Variants in MYLIP observed in about 807,000 individuals in gnomAD.
MYLIP encodes myosin regulatory light chain interacting protein, also known as E3 ubiquitin-protein ligase MYLIP.
A neutral mutation model predicts 45.8 loss-of-function variants in MYLIP; 26 were observed. The observed-to-expected ratio is 0.57, with a 90% confidence interval of 0.42 to 0.79. The LOEUF (loss-of-function observed/expected upper bound fraction) is 0.79, where lower values mean the gene tolerates loss of function less well. MYLIP is among the 30% of genes least tolerant of loss of function. MYLIP has a pLI of 0.00. For synonymous variants in MYLIP, 213 were observed against 218.1 expected (o/e 0.98, Z 0.21); for missense variants, 494 against 555.6 (o/e 0.89, Z 1.11).
intron 2 of MYLIP, among the ~76,000 whole-genome samples, 167 bp downstream of exon 2, chr6:16,130,914 C>T (rs970574660): frequency 2.0e-5 from 3 of 151,808 alleles, no homozygotes; most frequent in Non-Finnish European, 1.5e-5. Flanking sequence ...GGGGGAGCTA[C>T]CTACTTGGTC....
rs993659242 is a variant in MYLIP, at chr6:16,146,862, G to T, written c.*111G>T. Reference sequence around the variant, plus strand: ...TTATTCCAACACCCATCTGCCATGCGATGTTAAAAAAAAAAAAAAGGAAGA... The same window carrying T: ...TTATTCCAACACCCATCTGCCATGCTATGTTAAAAAAAAAAAAAAGGAAGA... On this transcript the variant is annotated 3_prime_UTR_variant, in exon 7 of 7. Transcript: ENST00000356840. The T allele has an allele frequency of 6.1e-6, 5 of 815,650 alleles. No individual in the cohort carries two copies. Among genetic ancestry groups the T allele is most frequent in the Non-Finnish European group, 7.1e-6 (4 of 567,292 alleles). The allele number at this position is 815,650 out of a possible 1,614,324, so 50.5% of individuals were successfully genotyped here.
At chr6:16,159,678 T>C in the MYLIP span, among the ~76,000 whole-genome samples, 1 of 152,178 alleles carries the variant, frequency 6.6e-6, no homozygotes, top group African/African-American at 2.4e-5. Flanking sequence ...CAGTCCTGCC[T>C]GGAATAAGGC....
the MYLIP span, among the ~76,000 whole-genome samples, chr6:16,156,266 G>T: frequency 6.6e-6 from 1 of 152,210 alleles, no homozygotes; most frequent in Non-Finnish European, 1.5e-5. Context: ...TGAGCCACAG[G>T]ATTGGGCTTT....
intron 1 of MYLIP, 105 bp from the exon 2 acceptor site, chr6:16,130,452 A>G: frequency 8.5e-7 from 1 of 1,171,430 alleles, no homozygotes; most frequent in Non-Finnish European, 1.2e-6. Context: ...TTGTAACACC[A>G]TTGAACTTTG....
Position 16,145,104 on chromosome 6 carries a change from C to G in MYLIP, c.1035C>G (p.Ser345Arg). 6.2e-7 allele frequency: 1 copy of G among 1,614,252 alleles called. No individual in the cohort carries two copies. Among genetic ancestry groups the G allele is most frequent in the Non-Finnish European group, 8.5e-7 (1 of 1,180,042 alleles). Residue 345 changes from serine to arginine, a missense_variant, in exon 6 of 7, where the codon AGC becomes AGG. Ser to Arg is a moderately radical substitution (Grantham distance 110). Transcript: ENST00000356840. Reference protein sequence around the residue: ...VVDLVSRNNQSPSHSPLKSSE... With the variant: ...VVDLVSRNNQRPSHSPLKSSE... ...ACCTCGTTTCAAGAAACAACCAGAG[C>G]CCTTCACACTCGCCTCTGAAGTCCT... is the stretch of plus-strand genomic sequence containing the variant.
chr6:16,146,549 A>T, intron 6 of MYLIP, 113 bp from the exon 7 acceptor site: 1 of 777,544 alleles, frequency 1.3e-6, no homozygotes, highest in Non-Finnish European at 2.1e-6. Context: ...AATCACTGTG[A>T]TCACAATTGA....
the MYLIP span, among the ~76,000 whole-genome samples, chr6:16,163,173 G>A: frequency 6.6e-6 from 1 of 152,138 alleles, no homozygotes; most frequent in Non-Finnish European, 1.5e-5. Flanking sequence ...TGCCATGGGA[G>A]GTAATACACT....
At chr6:16,145,898 C>A (rs1759780498) in intron 6 of MYLIP, among the ~76,000 whole-genome samples, 1 of 152,172 alleles carries the variant, frequency 6.6e-6, no homozygotes, top group Non-Finnish European at 1.5e-5. Context: ...TCCTTTCTTG[C>A]ATGAAGAAGA....
intron 2 of MYLIP, among the ~76,000 whole-genome samples, chr6:16,137,639 A>G (rs555660223): frequency 5.6e-4 from 85 of 152,268 alleles, no homozygotes; most frequent in African/African-American, 1.9e-3. Flanking sequence ...ACAACTTCCA[A>G]TTGGTTTGCA....
chr6:16,161,172 G>T, the MYLIP span: 1 of 192,708 alleles, frequency 5.2e-6, no homozygotes, highest in South Asian at 9.8e-5. Context: ...GATCCCAAGC[G>T]CTTGTCTTCG....
At chr6:16,153,003 C>G (rs983098390), downstream of MYLIP, among the ~76,000 whole-genome samples, 7 of 152,222 alleles carry the variant, frequency 4.6e-5, no homozygotes, top group African/African-American at 1.7e-4. Context: ...CTGGTAACCC[C>G]TACTCCCAGC....
At position 16,129,530 on chromosome 6, in the gene MYLIP, G is replaced by C. The variant is rs918968803; in HGVS notation, c.87+121G>C. 1 of 949,184 alleles carries C rather than the reference G, an allele frequency of 1.1e-6. No homozygotes were observed. The highest frequency in any genetic ancestry group is 1.5e-6 in the Non-Finnish European group (1 of 656,476). The allele number at this position is 949,184 out of a possible 1,614,324, so 58.8% of individuals were successfully genotyped here. On this transcript the variant is annotated intron_variant, in intron 1 of 6. Coordinates refer to ENST00000356840, the MANE Select transcript of MYLIP (RefSeq NM_013262.4). This position sits in a 1 kb window ranked among gnomAD's most constrained non-coding sequence, Gnocchi z 5.1. The stretch of plus-strand genomic sequence containing the variant: ...GCCGGGAGGCACTGCGGCGGCAGCC[G>C]GGGGGAGCGCGTCCCCTCCTCTCCA...
chr6:16,144,099 C>G (rs777101385), intron 5 of MYLIP, among the ~76,000 whole-genome samples: 1 of 152,086 alleles, frequency 6.6e-6, no homozygotes, highest in Non-Finnish European at 1.5e-5. Flanking sequence ...TTACCTCCTA[C>G]CGTATTCTCT....
chr6:16,153,416 A>G, the MYLIP span, among the ~76,000 whole-genome samples: 1 of 152,168 alleles, frequency 6.6e-6, no homozygotes, highest in East Asian at 1.9e-4. Flanking sequence ...TCTAAATCCT[A>G]GGAGGATTTT....
chr6:16,130,547 T>C lies in MYLIP; in HGVS notation c.88-10T>C, dbSNP rs768529579. 6.2e-7 allele frequency: 1 copy of C among 1,612,824 alleles called. No individual in the cohort carries two copies. The highest frequency in any genetic ancestry group is 1.3e-5 in the African/African-American group (1 of 74,854). ...TTTGCTCATCCAGGCTGCATTCCTT[T>C]TTGTTTTAGGTGTGCAGGCGACTGG... On this transcript the variant is annotated splice_polypyrimidine_tract_variant and intron_variant, in intron 1 of 6. Coordinates refer to ENST00000356840, the MANE Select transcript of MYLIP (RefSeq NM_013262.4).
Position 16,129,555 on chromosome 6 carries a change from AC to A in MYLIP, c.87+147del, listed in dbSNP as rs1759411829. On this transcript the variant is annotated intron_variant, in intron 1 of 6. Transcript: ENST00000356840. This position sits in a 1 kb window ranked among gnomAD's most constrained non-coding sequence, Gnocchi z 5.1. The stretch of plus-strand genomic sequence containing the variant: ...GGGGGGAGCGCGTCCCCTCCTCTCC[AC>A]GGGCGTGGGGCGCGCGGTCTCCTCC... The A allele has an allele frequency of 4.0e-6, 3 of 754,906 alleles. No individual in the cohort carries two copies. The South Asian group carries it at 5.7e-5, about 14-fold the overall frequency. The allele number at this position is 754,906 out of a possible 1,614,324, so 46.8% of individuals were successfully genotyped here.
chr6:16,143,120 T>A lies in MYLIP; in HGVS notation c.565T>A (p.Trp189Arg), dbSNP rs1212117041. ...GGCAATGGAAAACTATGGCATAGAA[T>A]GGCATTCTGTGCGGGATAGCGAAGG... ...VSAMENYGIE[W>R]HSVRDSEGQK... The change falls in exon 4 of 7, where the codon TGG becomes AGG. Residue 189 changes from tryptophan to arginine, a missense_variant. Coordinates refer to ENST00000356840, the MANE Select transcript of MYLIP (RefSeq NM_013262.4). The A allele has an allele frequency of 1.2e-6, 2 of 1,614,202 alleles. No individual in the cohort carries two copies. Among genetic ancestry groups the A allele is most frequent in the Non-Finnish European group, 1.7e-6 (2 of 1,180,038 alleles).
At position 16,144,915 on chromosome 6, in the gene MYLIP, C is replaced by T. The variant is rs145160701; in HGVS notation, c.846C>T (p.Ser282=). Residue 282 remains serine (S), a synonymous_variant, in exon 6 of 7, where the codon AGC becomes AGT. Coordinates refer to ENST00000356840, the MANE Select transcript of MYLIP (RefSeq NM_013262.4). ...HAFYRCDTVT[S]AVMMQYSRDL... ...CTTGCAGGTGTGACACAGTGACCAG[C>T]GCCGTGATGATGCAGTATAGCCGTG... 29 of 1,613,266 alleles carry T rather than the reference C, an allele frequency of 1.8e-5. No homozygotes were observed. Among genetic ancestry groups the T allele is most frequent in the African/African-American group, 1.5e-4 (11 of 75,030 alleles).
chr6:16,154,373 C>T, the MYLIP span, among the ~76,000 whole-genome samples: 1 of 152,168 alleles, frequency 6.6e-6, no homozygotes, highest in Admixed American at 6.5e-5. Context: ...GTTCTAAAGG[C>T]TTGATGGGAA....
Sources: allele counts gnomAD v4.1 joint callset (sites outside exome capture counted in the v4.1 genomes callset), GRCh38; gene constraint gnomAD v4.1.1; non-coding constraint Gnocchi (gnomAD v3.1); transcripts MANE v1.5; gene names NCBI Gene and HGNC (gene_info 2026-07-23, HGNC 2026-07-21).